ANKRD16: variants seen among roughly 807,000 people sequenced by gnomAD.
ANKRD16 encodes ankyrin repeat domain 16.
A neutral mutation model predicts 37.9 loss-of-function variants in ANKRD16; 35 were observed. That is an observed-to-expected ratio of 0.92 (90% CI 0.71 to 1.23). ANKRD16 has a LOEUF of 1.23. ANKRD16 is among the 50% of genes most tolerant of loss of function. ANKRD16 has a pLI of 0.00. For missense variants in ANKRD16, 480 were observed against 469.9 expected (o/e 1.02, Z -0.20); for synonymous variants, 206 against 197.2 (o/e 1.04, Z -0.37).
At chr10:5,881,438 T>TTTTATATATATATATA (rs1554796692) in intron 5 of ANKRD16, among the ~76,000 whole-genome samples, 1 of 51,024 alleles carries the variant, frequency 2.0e-5, no homozygotes, top group African/African-American at 7.4e-5. Flanking sequence ...AAAATATTAT[T>TTTTATATATATATATA]TATATATATA....
chr10:5,866,276 C>A lies in ANKRD16; in HGVS notation c.*34-3585G>T, dbSNP rs1198652311. On this transcript the variant is annotated intron_variant, in intron 7 of 7. Coordinates refer to ENST00000380094, the MANE Select transcript of ANKRD16 (RefSeq NM_019046.3). The surrounding 1 kb of genome is among the most constrained non-coding windows in gnomAD (Gnocchi z 4.3). ...AGCATGACTGCCAACAAGTTATAGT[C>A]CAGACTTATGCTGCCCGAGATGAAT... 6.6e-6 allele frequency among the ~76,000 whole-genome samples: 1 copy of A among 152,156 alleles called. No individual in the cohort carries two copies. The highest frequency in any genetic ancestry group is 2.4e-5 in the African/African-American group (1 of 41,444).
At position 5,878,283 on chromosome 10, in the gene ANKRD16, CA is replaced by C. The variant is rs1439947310; in HGVS notation, c.932del (p.Leu311ArgfsTer21). 6.2e-7 allele frequency: 1 copy of C among 1,613,278 alleles called. No individual in the cohort carries two copies. The highest frequency in any genetic ancestry group is 1.1e-5 in the South Asian group (1 of 91,024). ...AGTGCTGACCTGCACAGGCCAGATG[CA>C]GGGCTGAGGGGTGACAAAAATCACA... ...NSKDEKNRSALHLACAGQHLA... is the reference protein window; with the variant it reads ...NSKDEKNRSAXHLACAGQHLA... On this transcript the variant is annotated frameshift_variant, in exon 7 of 8. Coordinates refer to ENST00000380094, the MANE Select transcript of ANKRD16 (RefSeq NM_019046.3). LOFTEE classifies it high-confidence loss of function. The surrounding 1 kb of genome is among the most constrained non-coding windows in gnomAD (Gnocchi z 5.1).
chr10:5,865,764 G>C lies in ANKRD16; in HGVS notation c.*34-3073C>G, dbSNP rs1316552513. ...TATTATCTACATGAATATGGGGAAC[G>C]AGTTACTGATTTGTTGTCCCCTGCT... On this transcript the variant is annotated intron_variant, in intron 7 of 7. Transcript: ENST00000380094. This position sits in a 1 kb window ranked among gnomAD's most constrained non-coding sequence, Gnocchi z 4.7. 6.6e-6 allele frequency among the ~76,000 whole-genome samples: 1 copy of C among 152,196 alleles called. No individual in the cohort carries two copies. Among genetic ancestry groups the C allele is most frequent in the African/African-American group, 2.4e-5 (1 of 41,438 alleles).
rs1347507677 is a variant in ANKRD16, at chr10:5,884,041, G to A, written c.615C>T (p.Gly205=). ...QYEPDYRDNC[G]VTALMDAIQC... ...GGATTGCGTCCATCAAGGCGGTGAC[G>A]CCACAGTTGTCTCTGTAGTCTGGTT... The change falls in exon 4 of 8, where the codon GGC becomes GGT. Residue 205 remains glycine (G), a synonymous_variant. Coordinates refer to ENST00000380094, the MANE Select transcript of ANKRD16 (RefSeq NM_019046.3). The A allele has an allele frequency of 2.5e-6, 4 of 1,614,108 alleles. No homozygotes were observed. Among genetic ancestry groups the A allele is most frequent in the Middle Eastern group, 3.3e-4 (2 of 6,062 alleles).
At chr10:5,879,202 G>A (rs984379358) in intron 6 of ANKRD16, among the ~76,000 whole-genome samples, 20 of 152,154 alleles carry the variant, frequency 1.3e-4, no homozygotes, top group East Asian at 1.9e-4. Context: ...GGCCAGGCGC[G>A]GTGGCTCATG....
At position 5,871,362 on chromosome 10, in the gene ANKRD16, G is replaced by A. The variant is rs946659842; in HGVS notation, c.*33+6735C>T. ...AGATTGAGCCATTGCACTCTAGCCT[G>A]GGCGACAGAGCTAGACTCCAACTCA... is the stretch of plus-strand genomic sequence containing the variant. On this transcript the variant is annotated intron_variant, in intron 7 of 7. Coordinates refer to ENST00000380094, the MANE Select transcript of ANKRD16 (RefSeq NM_019046.3). This position sits in a 1 kb window ranked among gnomAD's most constrained non-coding sequence, Gnocchi z 4.5. 2.0e-5 allele frequency among the ~76,000 whole-genome samples: 3 copies of A among 151,318 alleles called. No individual in the cohort carries two copies. The highest frequency in any genetic ancestry group is 2.9e-5 in the Non-Finnish European group (2 of 67,910).
chr10:5,887,959 GA>G lies in ANKRD16; in HGVS notation c.422del (p.Phe141SerfsTer11), dbSNP rs773097564. ...LLKNKDGWNS[F>X]HIASREGDPL... The stretch of plus-strand genomic sequence containing the variant: ...GGTCGCCTTCTCGACTGGCAATGTG[GA>G]AACTGTTCCAGCCATCTTTGTTCTT... On this transcript the variant is annotated frameshift_variant, in exon 2 of 8. Coordinates refer to ENST00000380094, the MANE Select transcript of ANKRD16 (RefSeq NM_019046.3). LOFTEE classifies it high-confidence loss of function. 3.6e-5 allele frequency: 58 copies of G among 1,614,104 alleles called. No homozygotes were observed. The highest frequency in any genetic ancestry group is 4.8e-5 in the Non-Finnish European group (57 of 1,180,040).
At chr10:5,885,189 A>AT (rs569194944) in intron 3 of ANKRD16, among the ~76,000 whole-genome samples, 1,630 of 150,402 alleles carry the variant, frequency 0.011, 14 homozygotes, top group Middle Eastern at 0.034. Context: ...TTTTTTATTT[A>AT]TTTTTTTTTG....
rs188591745 is a variant in ANKRD16, at chr10:5,883,541, C to T, written c.688-374G>A. On this transcript the variant is annotated intron_variant, in intron 4 of 7. Transcript: ENST00000380094. Reference sequence around the variant, plus strand: ...AATTCCTGACCTTAGATGACCCACCCGCTTTGGCCTCCCAAAGTGCTGGGA... The same window carrying T: ...AATTCCTGACCTTAGATGACCCACCTGCTTTGGCCTCCCAAAGTGCTGGGA... Among the ~76,000 whole-genome samples the T allele has an allele frequency of 4.5e-3, 683 of 152,276 alleles. 6 individuals are homozygous for T. The highest frequency in any genetic ancestry group is 0.016 in the African/African-American group (649 of 41,552).
Position 5,889,168 on chromosome 10 carries a change from C to T in ANKRD16, c.187G>A (p.Asp63Asn). The T allele has an allele frequency of 6.3e-7, 1 of 1,598,530 alleles. No individual in the cohort carries two copies. The highest frequency in any genetic ancestry group is 8.5e-7 in the Non-Finnish European group (1 of 1,179,488). Residue 63 changes from aspartate to asparagine, a missense_variant, in exon 1 of 8, where the codon GAC becomes AAC. Physicochemically the swap from Asp to Asn is conservative, Grantham distance 23 (BLOSUM62 1). Coordinates refer to ENST00000380094, the MANE Select transcript of ANKRD16 (RefSeq NM_019046.3). ...LAYLAEAWGM[D>N]IEATNRDYKR... ...TAGTCTCGGTTGGTGGCCTCGATGT[C>T]CATGCCCCAGGCCTCGGCCAGATAG...
At chr10:5,888,147 C>T (rs764503814) in intron 1 of ANKRD16, 80 bp from the exon 2 acceptor site, 23 of 1,299,218 alleles carry the variant, frequency 1.8e-5, no homozygotes, top group East Asian at 1.4e-4. Flanking sequence ...AAAACACACA[C>T]ATCCTTGGCA....
intron 6 of ANKRD16, among the ~76,000 whole-genome samples, chr10:5,880,086 A>G (rs1371775046): frequency 1.4e-5 from 2 of 143,510 alleles, no homozygotes; most frequent in Non-Finnish European, 3.0e-5. Flanking sequence ...TTGAGCCAGG[A>G]GGTGGATGTT....
chr10:5,865,239 C>T lies in ANKRD16; in HGVS notation c.*34-2548G>A, dbSNP rs1841996144. Among the ~76,000 whole-genome samples the T allele has an allele frequency of 1.3e-5, 2 of 152,192 alleles. No individual in the cohort carries two copies. Among genetic ancestry groups the T allele is most frequent in the South Asian group, 4.1e-4 (2 of 4,830 alleles). On this transcript the variant is annotated intron_variant, in intron 7 of 7. Transcript: ENST00000380094. The surrounding 1 kb of genome is among the most constrained non-coding windows in gnomAD (Gnocchi z 4.7). ...GCAAGGACACCTTAAAAAAGACTGT[C>T]CAACAAGAAACAAGCTGCCCCCTCG...
At chr10:5,877,861 C>G (rs948941711) in intron 7 of ANKRD16, among the ~76,000 whole-genome samples, 4 of 152,186 alleles carry the variant, frequency 2.6e-5, no homozygotes, top group African/African-American at 9.6e-5. Flanking sequence ...GTTATCTATT[C>G]TACTTTAAGA....
At position 5,863,835 on chromosome 10, in the gene ANKRD16, C is replaced by T. The variant is rs944646831; in HGVS notation, c.*34-1144G>A. On this transcript the variant is annotated intron_variant, in intron 7 of 7. Coordinates refer to ENST00000380094, the MANE Select transcript of ANKRD16 (RefSeq NM_019046.3). This position sits in a 1 kb window ranked among gnomAD's most constrained non-coding sequence, Gnocchi z 4.7. ...ACTGTAACACTCACTGCGAGGTCCA[C>T]GGCTTCATTGTTGAAGTCAGTGAGA... 2.6e-5 allele frequency among the ~76,000 whole-genome samples: 4 copies of T among 152,108 alleles called. No homozygotes were observed. The highest frequency in any genetic ancestry group is 7.2e-5 in the African/African-American group (3 of 41,392).
chr10:5,888,198 G>A, intron 1 of ANKRD16, 131 bp from the exon 2 acceptor site: 2 of 811,388 alleles, frequency 2.5e-6, no homozygotes, highest in South Asian at 3.5e-5. Context: ...TGGCAGGCAG[G>A]AAAACAGCTT....
rs1312266001 is a variant in ANKRD16, at chr10:5,868,174, C to T, written c.*34-5483G>A. Reference sequence around the variant, plus strand: ...TTGTCAAATTTGTTTCCTCTAGGATCGAGGCCATCAAGCTACAGATGGTCT... The same window carrying T: ...TTGTCAAATTTGTTTCCTCTAGGATTGAGGCCATCAAGCTACAGATGGTCT... On this transcript the variant is annotated intron_variant, in intron 7 of 7. Coordinates refer to ENST00000380094, the MANE Select transcript of ANKRD16 (RefSeq NM_019046.3). This position sits in a 1 kb window ranked among gnomAD's most constrained non-coding sequence, Gnocchi z 4.9. Among the ~76,000 whole-genome samples, 5 of 152,146 alleles carry T rather than the reference C, an allele frequency of 3.3e-5. No individual in the cohort carries two copies. Among genetic ancestry groups the T allele is most frequent in the African/African-American group, 7.2e-5 (3 of 41,430 alleles).
rs1239027786 is a variant in ANKRD16 at position 5,869,157 on chromosome 10, T to C, written c.*34-6466A>G. Among the ~76,000 whole-genome samples, 1 of 152,108 alleles carries C rather than the reference T, an allele frequency of 6.6e-6. No individual in the cohort carries two copies. Among genetic ancestry groups the C allele is most frequent in the Admixed American group, 6.5e-5 (1 of 15,278 alleles). ...CCCAAGACAATCATTCTTCTTCCAA[T>C]GTGGCCCAAGGGAGACAAAAGATTA... On this transcript the variant is annotated intron_variant, in intron 7 of 7. Coordinates refer to ENST00000380094, the MANE Select transcript of ANKRD16 (RefSeq NM_019046.3). The surrounding 1 kb of genome is among the most constrained non-coding windows in gnomAD (Gnocchi z 4.0).
intron 5 of ANKRD16, among the ~76,000 whole-genome samples, chr10:5,880,635 A>AGGGGG (rs1296711662): frequency 1.2e-4 from 17 of 146,438 alleles, no homozygotes; most frequent in African/African-American, 4.0e-4. Flanking sequence ...TAAAAGGAGC[A>AGGGGG]GGGGGGGGAT....
Sources: gnomAD v4.1 joint callset for allele counts (sites outside exome capture counted in the v4.1 genomes callset) on GRCh38, gnomAD v4.1.1 for gene constraint, Gnocchi (gnomAD v3.1) non-coding constraint, MANE v1.5 for transcripts, NCBI Gene and HGNC (gene_info 2026-07-23, HGNC 2026-07-21) for gene names.